The following VPS13B variants were observed in gnomAD, a reference collection of about 807,000 sequenced individuals.
VPS13B encodes the protein intermembrane lipid transfer protein VPS13B.
A neutral mutation model predicts 426.4 loss-of-function variants in VPS13B; 285 were observed. That is an observed-to-expected ratio of 0.67 (90% CI 0.61 to 0.74). VPS13B has a LOEUF of 0.74. Among genes scored for constraint, VPS13B ranks in the 30% least tolerant of loss-of-function variants. The pLI, the probability that VPS13B is intolerant of heterozygous loss-of-function variation, is 0.00. For missense variants in VPS13B, 4,537 were observed against 4,782.6 expected (o/e 0.95, Z 1.51); for synonymous variants, 1,676 against 1,676.4 (o/e 1.00, Z 0.01).
At chr8:99,793,054 A>AC (rs1277313374) in intron 43 of VPS13B, among the ~76,000 whole-genome samples, 1 of 145,300 alleles carries the variant, frequency 6.9e-6, no homozygotes, top group Non-Finnish European at 1.5e-5. Flanking sequence ...AAAAAAAAAA[A>AC]AAAATTAGGC....
In VPS13B at chr8:99,013,278, G is replaced by A. The variant is rs1841415712; in HGVS notation, c.-99G>A. The A allele has an allele frequency of 4.1e-6, 1 of 243,192 alleles. No individual in the cohort carries two copies. Among genetic ancestry groups the A allele is most frequent in the African/African-American group, 2.3e-5 (1 of 44,286 alleles). 15.1% of individuals were successfully genotyped at this position (243,192 alleles called of 1,614,324 possible). A position where few individuals can be genotyped will look rare whatever the true frequency, so the allele number is the denominator to read the frequency against. ...CACACCCGGAAGTGGCGCGGTACAGGAGCAGCACTGCCGGCGGGGGCGGGT... is the reference window on the plus strand; with the variant it reads ...CACACCCGGAAGTGGCGCGGTACAGAAGCAGCACTGCCGGCGGGGGCGGGT... On this transcript the variant is annotated 5_prime_UTR_variant, in exon 1 of 62. Transcript: ENST00000357162.
chr8:99,821,955 G>A (rs1814393755), intron 50 of VPS13B, among the ~76,000 whole-genome samples: 1 of 152,176 alleles, frequency 6.6e-6, no homozygotes, highest in African/African-American at 2.4e-5. Context: ...GTTATATGAG[G>A]AAGTTATATT....
At chr8:99,064,795 AC>A (rs1322560635) in intron 3 of VPS13B, among the ~76,000 whole-genome samples, 2 of 152,120 alleles carry the variant, frequency 1.3e-5, no homozygotes, top group Admixed American at 6.5e-5. Flanking sequence ...CAACTCCAAG[AC>A]ACATAATTGT....
At chr8:99,365,875 A>G (rs1190294157) in intron 19 of VPS13B, among the ~76,000 whole-genome samples, 1 of 150,666 alleles carries the variant, frequency 6.6e-6, no homozygotes, top group Non-Finnish European at 1.5e-5. Flanking sequence ...ATATTGTTTA[A>G]TTTTCATATG....
intron 2 of VPS13B, among the ~76,000 whole-genome samples, chr8:99,032,695 A>AAT (rs1842572093): frequency 1.8e-5 from 1 of 55,678 alleles, no homozygotes; most frequent in African/African-American, 7.9e-5. Context: ...ATGTCGGGCT[A>AAT]TTTTTGTTTT....
intron 19 of VPS13B, among the ~76,000 whole-genome samples, chr8:99,357,392 T>C (rs1473174591): frequency 6.6e-6 from 1 of 152,220 alleles, no homozygotes; most frequent in African/African-American, 2.4e-5. Flanking sequence ...ATTTTACTTT[T>C]TCTATTTTAT....
chr8:99,322,253 C>T (rs1200756075), intron 19 of VPS13B, among the ~76,000 whole-genome samples: 2 of 152,152 alleles, frequency 1.3e-5, no homozygotes, highest in Non-Finnish European at 2.9e-5. Flanking sequence ...GAGCCAACTG[C>T]ATCATTAAAA....
intron 35 of VPS13B, among the ~76,000 whole-genome samples, chr8:99,695,095 T>C (rs1831898349): frequency 6.7e-6 from 1 of 149,570 alleles, no homozygotes; most frequent in Non-Finnish European, 1.5e-5. Context: ...TTTACACTGT[T>C]GGTGGGACTG....
intron 25 of VPS13B, among the ~76,000 whole-genome samples, chr8:99,497,574 G>A (rs1353106563): frequency 6.6e-6 from 1 of 151,754 alleles, no homozygotes; most frequent in Non-Finnish European, 1.5e-5. Context: ...GCATGAAGTG[G>A]TTCCTTTTTT....
chr8:99,057,238 T>G (rs1220198668), intron 3 of VPS13B, among the ~76,000 whole-genome samples: 1 of 152,118 alleles, frequency 6.6e-6, no homozygotes, highest in Non-Finnish European at 1.5e-5. Flanking sequence ...TTTAAACTTA[T>G]AAGTTAATAT....
chr8:99,172,719 T>G (rs1812412773), intron 16 of VPS13B, among the ~76,000 whole-genome samples: 1 of 152,212 alleles, frequency 6.6e-6, no homozygotes, highest in Non-Finnish European at 1.5e-5. Flanking sequence ...TGAACTCTGC[T>G]AGTATTAGTT....
chr8:99,828,045 T>C (rs1814798757), intron 51 of VPS13B, among the ~76,000 whole-genome samples: 1 of 152,224 alleles, frequency 6.6e-6, no homozygotes, highest in South Asian at 2.1e-4. Flanking sequence ...GAAGAATGTA[T>C]ATTCTGTTGA....
At chr8:99,621,961 G>A (rs781478352) in intron 33 of VPS13B, among the ~76,000 whole-genome samples, 1 of 151,284 alleles carries the variant, frequency 6.6e-6, no homozygotes, top group Non-Finnish European at 1.5e-5. Context: ...ACGCTCCCGA[G>A]TAGCTGGGAC....
intron 43 of VPS13B, among the ~76,000 whole-genome samples, chr8:99,799,443 T>C (rs1356742724): frequency 6.6e-6 from 1 of 152,186 alleles, no homozygotes; most frequent in African/African-American, 2.4e-5. Flanking sequence ...TTGCACAACT[T>C]TGGCTGGCTC....
intron 3 of VPS13B, among the ~76,000 whole-genome samples, chr8:99,078,323 T>C (rs1845250394): frequency 6.6e-6 from 1 of 151,526 alleles, no homozygotes; most frequent in Non-Finnish European, 1.5e-5. Context: ...GGAAAGACTT[T>C]TTTTCTTATA....
At chr8:99,058,478 T>C (rs1204116325) in intron 3 of VPS13B, among the ~76,000 whole-genome samples, 1 of 151,960 alleles carries the variant, frequency 6.6e-6, no homozygotes, top group African/African-American at 2.4e-5. Flanking sequence ...ATTTCTACTA[T>C]GGTAAATATG....
rs149579774 is a variant in VPS13B at position 99,874,259 on chromosome 8, A to G, written c.11746-1159A>G. Among the ~76,000 whole-genome samples the G allele has an allele frequency of 3.1e-3, 468 of 152,288 alleles. 3 individuals are homozygous for G. The highest frequency in any genetic ancestry group is 5.5e-3 in the Non-Finnish European group (375 of 68,024). On this transcript the variant is annotated intron_variant, in intron 61 of 61. Transcript: ENST00000357162. ...TGTGTATTCAAAGCTTTCCAGCTGAATTCTGGCCCCATCAAATGATATCAG... is the reference window on the plus strand; with the variant it reads ...TGTGTATTCAAAGCTTTCCAGCTGAGTTCTGGCCCCATCAAATGATATCAG...
intron 42 of VPS13B, 23 bp from the exon 43 acceptor site, chr8:99,784,292 C>G: frequency 4.3e-6 from 7 of 1,613,444 alleles, no homozygotes; most frequent in Non-Finnish European, 5.9e-6. Flanking sequence ...TCCATGTTGG[C>G]TTTCGTATCC....
At chr8:99,584,374 G>A (rs1826210357) in intron 33 of VPS13B, among the ~76,000 whole-genome samples, 1 of 152,100 alleles carries the variant, frequency 6.6e-6, no homozygotes, top group Non-Finnish European at 1.5e-5. Context: ...AAAATTTTCA[G>A]CCCCCATGAT....
Sources: allele counts gnomAD v4.1 joint callset (sites outside exome capture counted in the v4.1 genomes callset), GRCh38; gene constraint gnomAD v4.1.1; transcripts MANE v1.5; gene names NCBI Gene and HGNC (gene_info 2026-07-23, HGNC 2026-07-21).